CNTN5: variants seen among roughly 807,000 people sequenced by gnomAD.
The protein encoded by CNTN5 is contactin-5.
Under a neutral mutation model 129.1 loss-of-function variants are expected in CNTN5, and 77 were observed. The observed-to-expected ratio is 0.60, with a 90% CI of 0.50 to 0.72. CNTN5 has a LOEUF of 0.72. CNTN5 is among the 30% of genes least tolerant of loss of function. The pLI, the probability that CNTN5 is intolerant of heterozygous loss-of-function variation, is 0.00. For synonymous variants in CNTN5, 509 were observed against 465.6 expected (o/e 1.09, Z -1.20); for missense variants, 1,478 against 1,328.8 (o/e 1.11, Z -1.75).
chr11:100,312,855 A>G (rs1036418931), intron 21 of CNTN5, among the ~76,000 whole-genome samples: 14 of 152,084 alleles, frequency 9.2e-5, no homozygotes, highest in Admixed American at 1.3e-4. Context: ...CAGAACATCA[A>G]TAAGATAGAT....
At chr11:99,443,935 C>T (rs1024737500) in intron 2 of CNTN5, among the ~76,000 whole-genome samples, 3 of 152,050 alleles carry the variant, frequency 2.0e-5, no homozygotes, top group Admixed American at 6.6e-5. Context: ...CCGTGGCTCA[C>T]GCGTGTAATC....
chr11:100,309,146 A>C, intron 21 of CNTN5: 1 of 985,036 alleles, frequency 1.0e-6, no homozygotes. Context: ...ATGGAGAGGA[A>C]TTAGGGGGAT....
chr11:99,402,519 A>G (rs77587465), intron 2 of CNTN5, among the ~76,000 whole-genome samples: 11,638 of 152,092 alleles, frequency 0.077, 512 homozygotes, highest in Non-Finnish European at 0.096. Flanking sequence ...AGGGATATTG[A>G]CCTATAGTTT....
intron 13 of CNTN5, among the ~76,000 whole-genome samples, chr11:100,098,465 T>C (rs1233204861): frequency 6.6e-6 from 1 of 152,076 alleles, no homozygotes; most frequent in Non-Finnish European, 1.5e-5. Flanking sequence ...GTTTTTGTGT[T>C]GTGTTTAATC....
At chr11:99,818,708 CTTA>C (rs2135549787) in intron 3 of CNTN5, among the ~76,000 whole-genome samples, 1 of 152,100 alleles carries the variant, frequency 6.6e-6, no homozygotes, top group South Asian at 2.1e-4. Flanking sequence ...ATATACTAAA[CTTA>C]TTGTTTCTTA....
chr11:99,808,156 A>G (rs1946328075), intron 3 of CNTN5, among the ~76,000 whole-genome samples: 1 of 152,204 alleles, frequency 6.6e-6, no homozygotes. Flanking sequence ...TAGCCAAGAA[A>G]CAGCAGTTCC....
intron 1 of CNTN5, among the ~76,000 whole-genome samples, chr11:99,089,358 T>C (rs1480790807): frequency 6.6e-6 from 1 of 152,220 alleles, no homozygotes; most frequent in African/African-American, 2.4e-5. Flanking sequence ...GATAATCATA[T>C]ATAACTATAA....
At chr11:99,942,031 G>A (rs1465339453) in intron 7 of CNTN5, among the ~76,000 whole-genome samples, 1 of 152,056 alleles carries the variant, frequency 6.6e-6, no homozygotes, top group African/African-American at 2.4e-5. Flanking sequence ...GGATACTCTA[G>A]TGAGTTGAAA....
chr11:99,819,011 TACTACATA>T lies in CNTN5; in HGVS notation c.56-531_56-524del, dbSNP rs199504748. On this transcript the variant is annotated intron_variant, in intron 3 of 24. Transcript: ENST00000524871. ...CATGTGCTACATTGAACACACCTCA[TACTACATA>T]ATAAATTTTAGTAAATGAAGTTCCT... 1.9e-3 allele frequency among the ~76,000 whole-genome samples: 293 copies of T among 152,156 alleles called. 1 individual carries two copies. In the East Asian group the frequency reaches 0.042, roughly 22 times the overall value.
At chr11:99,945,342 T>C (rs529416884) in intron 7 of CNTN5, among the ~76,000 whole-genome samples, 70 of 152,158 alleles carry the variant, frequency 4.6e-4, no homozygotes, top group Non-Finnish European at 8.4e-4. Flanking sequence ...AGAATATGGG[T>C]GTATGACTGT....
rs960148627 is a variant in CNTN5 at position 100,308,661 on chromosome 11, A to T, written c.2730+193A>T. Reference sequence around the variant, plus strand: ...CATTAACTGGTTTATTTTTCAGTACAGTAGCTTCCGTAGCACTATGCAAAG... The same window carrying T: ...CATTAACTGGTTTATTTTTCAGTACTGTAGCTTCCGTAGCACTATGCAAAG... On this transcript the variant is annotated intron_variant, in intron 21 of 24. Transcript: ENST00000524871. The T allele has an allele frequency of 2.0e-5, 25 of 1,277,310 alleles. No homozygotes were observed. In the African/African-American group the frequency reaches 3.7e-4, roughly 19 times the overall value. 79.1% of individuals were successfully genotyped at this position (1,277,310 alleles called of 1,614,324 possible). A position where few individuals can be genotyped will look rare whatever the true frequency, so the allele number is the denominator to read the frequency against.
At chr11:99,367,294 T>C (rs754246867) in intron 2 of CNTN5, among the ~76,000 whole-genome samples, 6 of 152,124 alleles carry the variant, frequency 3.9e-5, no homozygotes, top group Non-Finnish European at 7.4e-5. Flanking sequence ...CTGTACTAAA[T>C]TGGAAAATTT....
intron 1 of CNTN5, among the ~76,000 whole-genome samples, chr11:99,162,022 A>G (rs1860633622): frequency 6.6e-6 from 1 of 152,200 alleles, no homozygotes; most frequent in South Asian, 2.1e-4. Context: ...CTACTATAAT[A>G]CTTATAAAAG....
chr11:100,055,982 T>C (rs1450408385), intron 9 of CNTN5, among the ~76,000 whole-genome samples: 5 of 151,602 alleles, frequency 3.3e-5, no homozygotes, highest in Admixed American at 6.6e-5. Flanking sequence ...TCTCCCTTCC[T>C]CTCAGTGCCT....
chr11:99,185,681 A>T (rs1167285564), intron 1 of CNTN5, among the ~76,000 whole-genome samples: 1 of 151,842 alleles, frequency 6.6e-6, no homozygotes, highest in Non-Finnish European at 1.5e-5. Flanking sequence ...TAACTAGACA[A>T]TGTGAGCTAA....
intron 6 of CNTN5, among the ~76,000 whole-genome samples, chr11:99,914,414 G>A (rs1010156329): frequency 6.6e-6 from 1 of 152,010 alleles, no homozygotes; most frequent in African/African-American, 2.4e-5. Flanking sequence ...GCCATGATTT[G>A]CATATATTTG....
At chr11:100,088,465 GGA>G (rs1439375325) in intron 13 of CNTN5, among the ~76,000 whole-genome samples, 1 of 151,890 alleles carries the variant, frequency 6.6e-6, no homozygotes, top group Non-Finnish European at 1.5e-5. Flanking sequence ...TTCTTTAAAA[GGA>G]TAAGCAAAAT....
At chr11:99,956,761 G>GA (rs1950812845) in intron 7 of CNTN5, 45 bp from the exon 8 acceptor site, 2 of 1,461,192 alleles carry the variant, frequency 1.4e-6, no homozygotes, top group Admixed American at 1.7e-5. Context: ...GTCTGTTAAT[G>GA]AAAAAATCAA....
chr11:99,786,737 C>T (rs6590341), intron 3 of CNTN5, among the ~76,000 whole-genome samples: 1 of 152,212 alleles, frequency 6.6e-6, no homozygotes, highest in South Asian at 2.1e-4. Context: ...CAAACCTGAC[C>T]AAAACCAGAA....
Sources: gnomAD v4.1 joint callset for allele counts (sites outside exome capture counted in the v4.1 genomes callset) on GRCh38, gnomAD v4.1.1 for gene constraint, MANE v1.5 for transcripts, NCBI Gene and HGNC (gene_info 2026-07-23, HGNC 2026-07-21) for gene names.